LRRC4C: variants seen among roughly 807,000 people sequenced by gnomAD.
LRRC4C encodes the protein leucine-rich repeat-containing protein 4C.
In LRRC4C, 5 loss-of-function variants were observed where a neutral mutation model predicts 33.6. That is an observed-to-expected ratio of 0.15 (90% confidence interval 0.08 to 0.31). LRRC4C has a LOEUF of 0.31. LRRC4C is among the 10% of genes least tolerant of loss of function. LRRC4C has a pLI of 1.00. For missense variants in LRRC4C, 560 were observed against 796.7 expected, an observed-to-expected ratio of 0.70 and a Z score of 3.58; for synonymous variants, 329 against 302.0, an observed-to-expected ratio of 1.09 and a Z score of -0.93.
At chr11:41,034,455 CACCATA>C (rs1856918303) in intron 1 of LRRC4C, among the ~76,000 whole-genome samples, 1 of 121,230 alleles carries the variant, frequency 8.2e-6, no homozygotes, top group African/African-American at 3.1e-5. Context: ...CACACACACA[CACCATA>C]TATATATATG....
chr11:40,760,991 T>C (rs181331122), intron 2 of LRRC4C, among the ~76,000 whole-genome samples: 171 of 151,396 alleles, frequency 1.1e-3, no homozygotes, highest in Middle Eastern at 0.01. Context: ...AACTGTAATC[T>C]GCCCTTTGAG....
chr11:40,790,904 G>A (rs1950598993), intron 2 of LRRC4C, among the ~76,000 whole-genome samples: 1 of 152,146 alleles, frequency 6.6e-6, no homozygotes, highest in Non-Finnish European at 1.5e-5. Context: ...TAGCTCCAAG[G>A]AGTCTAATAG....
At chr11:40,821,008 A>G (rs891658827) in intron 2 of LRRC4C, among the ~76,000 whole-genome samples, 1 of 151,806 alleles carries the variant, frequency 6.6e-6, no homozygotes, top group African/African-American at 2.4e-5. Flanking sequence ...TCTACATAGT[A>G]GCAACAGAAA....
intron 3 of LRRC4C, among the ~76,000 whole-genome samples, chr11:40,454,062 C>T (rs1304125037): frequency 2.0e-5 from 3 of 152,112 alleles, no homozygotes; most frequent in Non-Finnish European, 4.4e-5. Flanking sequence ...ATGAGATTTC[C>T]TGCATCTTCT....
At chr11:40,123,448 G>A (rs142997904) in intron 6 of LRRC4C, among the ~76,000 whole-genome samples, 4 of 151,804 alleles carry the variant, frequency 2.6e-5, no homozygotes, top group East Asian at 1.9e-4. Flanking sequence ...AATACCAATC[G>A]CAAACAATCT....
chr11:40,238,051 T>C (rs904272069), intron 5 of LRRC4C, among the ~76,000 whole-genome samples: 3 of 152,222 alleles, frequency 2.0e-5, no homozygotes, highest in Non-Finnish European at 4.4e-5. Flanking sequence ...TACACTGCTT[T>C]GTTCAGTGGA....
intron 3 of LRRC4C, among the ~76,000 whole-genome samples, chr11:40,377,823 T>C (rs982762589): frequency 6.6e-5 from 10 of 152,116 alleles, no homozygotes; most frequent in African/African-American, 1.4e-4. Flanking sequence ...TTTGTCATTA[T>C]CTAGAAATAT....
chr11:40,957,157 T>C (rs1407770408), intron 1 of LRRC4C, among the ~76,000 whole-genome samples: 2 of 151,894 alleles, frequency 1.3e-5, no homozygotes, highest in East Asian at 1.9e-4. Flanking sequence ...ACAGAAACTG[T>C]AGCATGTTTT....
intron 3 of LRRC4C, among the ~76,000 whole-genome samples, chr11:40,531,387 A>C (rs1005410057): frequency 5.9e-5 from 9 of 152,042 alleles, no homozygotes; most frequent in Admixed American, 5.3e-4. Flanking sequence ...AGTCGAATTC[A>C]CCTCTAAGTA....
At chr11:40,964,861 T>C (rs1444295838) in intron 1 of LRRC4C, among the ~76,000 whole-genome samples, 1 of 152,006 alleles carries the variant, frequency 6.6e-6, no homozygotes, top group Non-Finnish European at 1.5e-5. Context: ...AGCAGCATGA[T>C]TTATAATCCT....
intron 1 of LRRC4C, among the ~76,000 whole-genome samples, chr11:41,241,046 T>C (rs764536606): frequency 1.3e-5 from 2 of 152,154 alleles, no homozygotes; most frequent in Non-Finnish European, 2.9e-5. Context: ...TTACAAACTA[T>C]GGTAAGTTAT....
At chr11:41,019,992 C>A (rs1195439599) in intron 1 of LRRC4C, among the ~76,000 whole-genome samples, 1 of 152,128 alleles carries the variant, frequency 6.6e-6, no homozygotes, top group African/African-American at 2.4e-5. Context: ...ATGATAGTTT[C>A]TATTGCTGTA....
intron 2 of LRRC4C, among the ~76,000 whole-genome samples, chr11:40,829,482 A>G (rs1952312372): frequency 6.6e-6 from 1 of 152,036 alleles, no homozygotes; most frequent in Admixed American, 6.6e-5. Context: ...ATTTTGCTAC[A>G]TATTTGTTCT....
intron 3 of LRRC4C, among the ~76,000 whole-genome samples, chr11:40,542,045 T>A (rs952091768): frequency 8.9e-5 from 9 of 100,762 alleles, no homozygotes; most frequent in Middle Eastern, 5.2e-3. Flanking sequence ...TCTTTCTTTC[T>A]CTTTCTCTCT....
chr11:40,303,210 G>A (rs755446457), intron 4 of LRRC4C, among the ~76,000 whole-genome samples: 5 of 152,086 alleles, frequency 3.3e-5, no homozygotes, highest in African/African-American at 4.8e-5. Flanking sequence ...TCTAAACAAA[G>A]GCAGAAGATC....
chr11:40,293,638 G>C (rs1475771579), intron 4 of LRRC4C: 4 of 152,236 alleles, frequency 2.6e-5, no homozygotes, highest in African/African-American at 9.7e-5. Context: ...AAGAAAAAAA[G>C]AAAAAGGAAG....
intron 1 of LRRC4C, among the ~76,000 whole-genome samples, chr11:41,229,199 C>A (rs1252408509): frequency 6.6e-6 from 1 of 151,980 alleles, no homozygotes; most frequent in African/African-American, 2.4e-5. Context: ...TCACTGGTAT[C>A]CTTGTAAGAA....
chr11:40,708,328 C>T (rs1181419811), intron 2 of LRRC4C, among the ~76,000 whole-genome samples: 5 of 152,086 alleles, frequency 3.3e-5, no homozygotes, highest in Non-Finnish European at 5.9e-5. Context: ...TAGATCTTTC[C>T]TGCTTTCTTT....
chr11:40,875,876 A>G (rs747485021), intron 2 of LRRC4C, among the ~76,000 whole-genome samples: 4 of 152,120 alleles, frequency 2.6e-5, no homozygotes, highest in Admixed American at 1.3e-4. Flanking sequence ...CATAATGTAG[A>G]ACCAGTGGGA....
Sources: gnomAD v4.1 joint callset for allele counts (sites outside exome capture counted in the v4.1 genomes callset) on GRCh38, gnomAD v4.1.1 for gene constraint, MANE v1.5 for transcripts, NCBI Gene and HGNC (gene_info 2026-07-23, HGNC 2026-07-21) for gene names.